HS6ST3: variants seen among roughly 807,000 people sequenced by gnomAD.
HS6ST3 encodes heparan-sulfate 6-O-sulfotransferase 3.
In HS6ST3, 12 loss-of-function variants were observed where a neutral mutation model predicts 36.7. That is an observed-to-expected ratio of 0.33 (90% confidence interval 0.21 to 0.53). The LOEUF (loss-of-function observed/expected upper bound fraction) is 0.53, where lower values mean the gene tolerates loss of function less well. HS6ST3 is among the 20% of genes least tolerant of loss of function. The probability of loss-of-function intolerance (pLI) is 0.95; values close to 1 mark genes in which losing one functional copy is unlikely to be tolerated. For synonymous variants in HS6ST3, 240 were observed against 257.5 expected, an observed-to-expected ratio of 0.93 and a Z score of 0.65; for missense variants, 584 against 640.9, an observed-to-expected ratio of 0.91 and a Z score of 0.96.
intron 1 of HS6ST3, among the ~76,000 whole-genome samples, chr13:96,531,139 G>T (rs2056133747): frequency 1.3e-5 from 2 of 151,702 alleles, no homozygotes; most frequent in Admixed American, 1.3e-4. Flanking sequence ...TCTCCTTTCT[G>T]CCCTCATCAT....
intron 1 of HS6ST3, among the ~76,000 whole-genome samples, chr13:96,426,006 G>A (rs1035634562): frequency 5.9e-5 from 9 of 151,684 alleles, no homozygotes; most frequent in African/African-American, 2.2e-4. Context: ...TGCCCCCCGA[G>A]AACCCCCAGA....
At chr13:96,442,899 G>A (rs572864737) in intron 1 of HS6ST3, among the ~76,000 whole-genome samples, 14 of 151,926 alleles carry the variant, frequency 9.2e-5, no homozygotes, top group Middle Eastern at 3.4e-3. Context: ...ATCTTGGTCC[G>A]CGCATGAATA....
chr13:96,227,430 C>T (rs1448606940), intron 1 of HS6ST3, among the ~76,000 whole-genome samples: 1 of 152,160 alleles, frequency 6.6e-6, no homozygotes, highest in Non-Finnish European at 1.5e-5. Flanking sequence ...GTAAAGGCAG[C>T]CCTTTATTAA....
At chr13:96,665,869 A>G (rs2056662463) in intron 1 of HS6ST3, among the ~76,000 whole-genome samples, 1 of 152,166 alleles carries the variant, frequency 6.6e-6, no homozygotes, top group Non-Finnish European at 1.5e-5. Flanking sequence ...GTGAAGTCAG[A>G]AACTCACAGG....
chr13:96,209,427 GA>G lies in HS6ST3; in HGVS notation c.707+117866del, dbSNP rs373525878. Among the ~76,000 whole-genome samples, 569 of 151,924 alleles carry G rather than the reference GA, an allele frequency of 3.7e-3. 6 individuals are homozygous for G. Among genetic ancestry groups the G allele is most frequent in the African/African-American group, 0.013 (543 of 41,436 alleles). On this transcript the variant is annotated intron_variant, in intron 1 of 1. Coordinates refer to ENST00000376705, the MANE Select transcript of HS6ST3 (RefSeq NM_153456.4). The stretch of plus-strand genomic sequence containing the variant: ...CCAGCTTTTTTCTGGTTTCCTGTGA[GA>G]AAAAAAATCTTCGTTATTGTTGGCC...
chr13:96,680,860 A>T (rs1296583591), intron 1 of HS6ST3, among the ~76,000 whole-genome samples: 1 of 152,220 alleles, frequency 6.6e-6, no homozygotes, highest in Non-Finnish European at 1.5e-5. Context: ...CATTAGGAGC[A>T]TGTGGGTGGG....
chr13:96,142,696 G>A (rs1319640920), intron 1 of HS6ST3, among the ~76,000 whole-genome samples: 2 of 152,056 alleles, frequency 1.3e-5, no homozygotes. Context: ...TATTATAGAA[G>A]TTTAGAAATG....
intron 1 of HS6ST3, among the ~76,000 whole-genome samples, chr13:96,634,491 A>G (rs1345227983): frequency 6.6e-6 from 1 of 152,188 alleles, no homozygotes; most frequent in Non-Finnish European, 1.5e-5. Context: ...GAGTCAGAGA[A>G]GACTTAGTCT....
At chr13:96,322,361 A>G (rs1379500610) in intron 1 of HS6ST3, among the ~76,000 whole-genome samples, 4 of 145,574 alleles carry the variant, frequency 2.7e-5, no homozygotes, top group Admixed American at 7.0e-5. Flanking sequence ...CCTGGGCAAC[A>G]TGGAGAAATC....
At chr13:96,660,486 G>A (rs1182851978) in intron 1 of HS6ST3, among the ~76,000 whole-genome samples, 1 of 151,966 alleles carries the variant, frequency 6.6e-6, no homozygotes, top group Non-Finnish European at 1.5e-5. Context: ...GCAAAAGAAT[G>A]GAATTTGACT....
At chr13:96,233,375 A>G (rs1176508669) in intron 1 of HS6ST3, among the ~76,000 whole-genome samples, 2 of 152,104 alleles carry the variant, frequency 1.3e-5, no homozygotes, top group African/African-American at 4.8e-5. Flanking sequence ...TTGTTCCTTT[A>G]GTTTTGTGTA....
chr13:96,138,493 C>G (rs1436618898), intron 1 of HS6ST3, among the ~76,000 whole-genome samples: 1 of 150,204 alleles, frequency 6.7e-6, no homozygotes, highest in African/African-American at 2.4e-5. Flanking sequence ...TATATATTTA[C>G]AGTTAATAAA....
rs1461284297 is a variant in HS6ST3 at position 96,267,024 on chromosome 13, C to A, written c.707+175455C>A. Among the ~76,000 whole-genome samples the A allele has an allele frequency of 2.6e-5, 4 of 152,134 alleles. No homozygotes were observed. The South Asian group carries it at 8.3e-4, about 32-fold the overall frequency. The stretch of plus-strand genomic sequence containing the variant: ...TGGGAGGGACCTGATGGGAGGGACC[C>A]AGTGGAAGGCAATTGAATCCTCGGA... On this transcript the variant is annotated intron_variant, in intron 1 of 1. Transcript: ENST00000376705.
At chr13:96,425,708 G>A (rs970093009) in intron 1 of HS6ST3, among the ~76,000 whole-genome samples, 9 of 151,984 alleles carry the variant, frequency 5.9e-5, no homozygotes, top group Admixed American at 2.6e-4. Flanking sequence ...CACCTCAGGC[G>A]GGACAGTAAA....
chr13:96,677,506 T>A (rs2056702760), intron 1 of HS6ST3, among the ~76,000 whole-genome samples: 1 of 152,162 alleles, frequency 6.6e-6, no homozygotes, highest in South Asian at 2.1e-4. Context: ...CACATATATA[T>A]ACACATACAT....
At chr13:96,551,767 G>C (rs1426481930) in intron 1 of HS6ST3, among the ~76,000 whole-genome samples, 3 of 152,066 alleles carry the variant, frequency 2.0e-5, no homozygotes, top group South Asian at 2.1e-4. Context: ...CCTACTGCTC[G>C]TCACACATCG....
intron 1 of HS6ST3, among the ~76,000 whole-genome samples, chr13:96,402,564 C>T (rs1233007033): frequency 1.3e-5 from 2 of 152,156 alleles, no homozygotes; most frequent in African/African-American, 4.8e-5. Context: ...GTTCCTCGTG[C>T]CTCTTTGCAG....
intron 1 of HS6ST3, among the ~76,000 whole-genome samples, chr13:96,439,075 A>C (rs1247667703): frequency 8.8e-6 from 1 of 113,230 alleles, no homozygotes; most frequent in Non-Finnish European, 1.7e-5. Context: ...TCAAAAGAAA[A>C]AAAAAAGAAA....
At chr13:96,644,873 G>A (rs986157173) in intron 1 of HS6ST3, among the ~76,000 whole-genome samples, 2 of 151,920 alleles carry the variant, frequency 1.3e-5, no homozygotes, top group South Asian at 2.1e-4. Flanking sequence ...TCTTTCTGCA[G>A]GAATAGCATG....
Sources: gnomAD v4.1 joint callset for allele counts (sites outside exome capture counted in the v4.1 genomes callset) on GRCh38, gnomAD v4.1.1 for gene constraint, MANE v1.5 for transcripts, NCBI Gene and HGNC (gene_info 2026-07-23, HGNC 2026-07-21) for gene names.